ATAD2B: variants seen among roughly 807,000 people sequenced by gnomAD.
ATAD2B encodes ATPase family AAA domain-containing protein 2B.
In ATAD2B, 40 loss-of-function variants were observed where a neutral mutation model predicts 167.6. The observed-to-expected ratio is 0.24, with a 90% CI of 0.19 to 0.31. The LOEUF (loss-of-function observed/expected upper bound fraction) is 0.31, where lower values mean the gene tolerates loss of function less well. ATAD2B is among the 10% of genes least tolerant of loss of function. ATAD2B has a pLI of 1.00. For synonymous variants in ATAD2B, 579 were observed against 596.5 expected, an observed-to-expected ratio of 0.97 and a Z score of 0.43; for missense variants, 1,242 against 1,757.2, an observed-to-expected ratio of 0.71 and a Z score of 5.24.
chr2:23,925,040 A>C (rs1237450978), intron 1 of ATAD2B, among the ~76,000 whole-genome samples: 1 of 152,192 alleles, frequency 6.6e-6, no homozygotes, highest in Admixed American at 6.5e-5. Context: ...CTTACACCCT[A>C]AATATTTTCT....
intron 19 of ATAD2B, among the ~76,000 whole-genome samples, chr2:23,797,634 C>CAT (rs567247845): frequency 1.5e-4 from 23 of 151,994 alleles, no homozygotes; most frequent in Admixed American, 4.6e-4. Flanking sequence ...AAAATATGTG[C>CAT]ATATATATAT....
chr2:23,883,905 A>T (rs1043143001), intron 6 of ATAD2B, among the ~76,000 whole-genome samples: 1 of 152,160 alleles, frequency 6.6e-6, no homozygotes, highest in Admixed American at 6.5e-5. Flanking sequence ...GCACTTTGGG[A>T]GGCCGAAGCG....
At chr2:23,896,737 G>A (rs1477312852) in intron 1 of ATAD2B, among the ~76,000 whole-genome samples, 1 of 152,158 alleles carries the variant, frequency 6.6e-6, no homozygotes, top group East Asian at 1.9e-4. Context: ...TCTTTCAGGT[G>A]CAGGATCCTA....
intron 10 of ATAD2B, among the ~76,000 whole-genome samples, chr2:23,867,543 T>C (rs1441534622): frequency 5.3e-5 from 8 of 152,170 alleles, no homozygotes; most frequent in African/African-American, 1.7e-4. Flanking sequence ...TACAAAATCA[T>C]GAAACTAGGC....
Position 23,922,284 on chromosome 2 carries a change from C to G in ATAD2B, c.216+4271G>C, listed in dbSNP as rs538945116. Among the ~76,000 whole-genome samples the G allele has an allele frequency of 8.5e-5, 13 of 152,138 alleles. No individual in the cohort carries two copies. In the East Asian group the frequency reaches 2.3e-3, roughly 27 times the overall value. ...TGTGAATACAGTATTAGATTGTTTA[C>G]TAGGAGTGACACCTAGGTGGAGCAA... On this transcript the variant is annotated intron_variant, in intron 1 of 27. Coordinates refer to ENST00000238789, the MANE Select transcript of ATAD2B (RefSeq NM_017552.4).
At chr2:23,757,386 C>G (rs751953155) in intron 25 of ATAD2B, 32 bp downstream of exon 25, 285 of 1,438,384 alleles carry the variant, frequency 2.0e-4, no homozygotes, top group Non-Finnish European at 2.6e-4. Flanking sequence ...GGAGTTTAAA[C>G]CTTCAGAAGA....
intron 23 of ATAD2B, among the ~76,000 whole-genome samples, chr2:23,763,823 C>T (rs1006625336): frequency 6.6e-6 from 1 of 152,162 alleles, no homozygotes; most frequent in African/African-American, 2.4e-5. Context: ...AACTCCTGGG[C>T]TCAAGCGATC....
intron 22 of ATAD2B, among the ~76,000 whole-genome samples, chr2:23,779,675 A>G (rs1164936087): frequency 6.6e-6 from 1 of 152,190 alleles, no homozygotes; most frequent in African/African-American, 2.4e-5. Context: ...AAAAAATCTA[A>G]TATGTCCAAC....
the ATAD2B span, among the ~76,000 whole-genome samples, chr2:23,737,245 GCCT>G: frequency 1.3e-5 from 2 of 152,214 alleles, no homozygotes; most frequent in African/African-American, 2.4e-5. Context: ...CGGGCAGACT[GCCT>G]CCTCAAGTGG....
the ATAD2B span, among the ~76,000 whole-genome samples, chr2:23,734,303 C>T: frequency 2.0e-5 from 3 of 152,218 alleles, no homozygotes; most frequent in Admixed American, 6.5e-5. Context: ...ACTACAGGCA[C>T]GTGTCACCAC....
chr2:23,903,936 T>C (rs142523701), intron 1 of ATAD2B, among the ~76,000 whole-genome samples: 2 of 151,462 alleles, frequency 1.3e-5, no homozygotes, highest in Non-Finnish European at 3.0e-5. Flanking sequence ...GTGCCGGTTG[T>C]TGTTGGTGGT....
downstream of ATAD2B, among the ~76,000 whole-genome samples, chr2:23,746,870 A>AC (rs1369371710): frequency 6.6e-6 from 1 of 152,166 alleles, no homozygotes; most frequent in Non-Finnish European, 1.5e-5. Flanking sequence ...TTTTAAGAGC[A>AC]CCACACTTTT....
At chr2:23,785,271 A>G (rs1028002811) in intron 21 of ATAD2B, among the ~76,000 whole-genome samples, 2 of 152,136 alleles carry the variant, frequency 1.3e-5, no homozygotes, top group African/African-American at 4.8e-5. Flanking sequence ...AATAAAAACT[A>G]AAAACACCAA....
chr2:23,746,326 C>A (rs551452508), downstream of ATAD2B, among the ~76,000 whole-genome samples: 102 of 152,150 alleles, frequency 6.7e-4, no homozygotes, highest in Non-Finnish European at 1.2e-3. Flanking sequence ...GTTTCCTGAT[C>A]TGTAAAATGG....
chr2:23,817,370 T>C (rs1365573689), intron 17 of ATAD2B, among the ~76,000 whole-genome samples: 1 of 152,196 alleles, frequency 6.6e-6, no homozygotes, highest in East Asian at 1.9e-4. Flanking sequence ...GGCCTATATA[T>C]ATTACTGAAT....
intron 21 of ATAD2B, among the ~76,000 whole-genome samples, chr2:23,784,775 G>T (rs1437455275): frequency 2.7e-5 from 4 of 145,962 alleles, no homozygotes; most frequent in Non-Finnish European, 4.6e-5. Context: ...AAACACTATG[G>T]GGGGGGGGAT....
chr2:23,838,027 C>T (rs185324137), intron 13 of ATAD2B, among the ~76,000 whole-genome samples: 26 of 152,268 alleles, frequency 1.7e-4, no homozygotes, highest in African/African-American at 6.0e-4. Context: ...CTAACACCTG[C>T]CTAAAATAAC....
Position 23,754,723 on chromosome 2 carries a change from G to T in ATAD2B, c.4130C>A (p.Thr1377Lys). The change falls in exon 26 of 28, where the codon ACG (threonine) becomes AAG (lysine). Residue 1377 changes from threonine to lysine, a missense_variant. By Grantham distance (78) the Thr-to-Lys change is moderately conservative. Transcript: ENST00000238789. ...YRKLILEQAK[T>K]TSLELVPEEP... is the part of the protein sequence containing the mutation. ...TTCTGGAACCAGTTCCAGGCTTGTC[G>T]TTTTTGCCTGCTCTAAAATTAATTT... 6.2e-7 allele frequency: 1 copy of T among 1,612,782 alleles called. No individual in the cohort carries two copies. The highest frequency in any genetic ancestry group is 1.3e-5 in the African/African-American group (1 of 74,954).
chr2:23,771,739 G>A (rs909199696), intron 22 of ATAD2B, among the ~76,000 whole-genome samples: 3 of 151,706 alleles, frequency 2.0e-5, no homozygotes, highest in Admixed American at 6.6e-5. Context: ...ACTCTATTGC[G>A]GCCCCTGTGT....
Sources: allele counts gnomAD v4.1 joint callset (sites outside exome capture counted in the v4.1 genomes callset), GRCh38; gene constraint gnomAD v4.1.1; transcripts MANE v1.5; gene names NCBI Gene and HGNC (gene_info 2026-07-23, HGNC 2026-07-21).